Variants in APBA2 observed in about 807,000 individuals in gnomAD.
APBA2 encodes amyloid-beta A4 precursor protein-binding family A member 2.
In APBA2, 30 loss-of-function variants were observed where a neutral mutation model predicts 75.0. The observed-to-expected ratio is 0.40, with a 90% CI of 0.30 to 0.54. APBA2 has a LOEUF of 0.54. Among genes scored for constraint, APBA2 ranks in the 20% least tolerant of loss-of-function variants. The pLI is 0.49. For synonymous variants in APBA2, 444 were observed against 409.6 expected (o/e 1.08, Z -1.01); for missense variants, 801 against 1,016.1 (o/e 0.79, Z 2.88).
intron 2 of APBA2, among the ~76,000 whole-genome samples, chr15:28,966,607 T>C (rs1428078479): frequency 6.6e-6 from 1 of 152,190 alleles, no homozygotes; most frequent in Non-Finnish European, 1.5e-5. Context: ...AGGTAGCTTG[T>C]AGGTTATTTT....
intron 2 of APBA2, among the ~76,000 whole-genome samples, chr15:28,969,212 C>G (rs1418963328): frequency 7.3e-6 from 1 of 136,710 alleles, no homozygotes; most frequent in Non-Finnish European, 1.7e-5. Context: ...GAGACAGTCT[C>G]TCTCTGCCGG....
chr15:29,019,189 G>GTC lies in APBA2; in HGVS notation c.-41+23383_-41+23384insTC, dbSNP rs2039826558. Among the ~76,000 whole-genome samples, 6 of 152,318 alleles carry GTC rather than the reference G, an allele frequency of 3.9e-5. No homozygotes were observed. The South Asian group carries it at 1.2e-3, about 32-fold the overall frequency. ...GCTCTTGGAGTGAGGGCCCAGGAGG[G>GTC]GGTTGCCTGCCTATGCGTGTCTCTC... On this transcript the variant is annotated intron_variant, in intron 3 of 14. Coordinates refer to ENST00000683413, the MANE Select transcript of APBA2 (RefSeq NM_001353788.2).
intron 2 of APBA2, among the ~76,000 whole-genome samples, chr15:28,939,966 C>T (rs538597228): frequency 3.9e-5 from 6 of 152,178 alleles, no homozygotes; most frequent in Non-Finnish European, 8.8e-5. Context: ...CGTGGCTGTG[C>T]GCTCCATCTC....
At chr15:29,053,728 T>G in intron 3 of APBA2, 117 bp from the exon 4 acceptor site, 1 of 650,374 alleles carries the variant, frequency 1.5e-6, no homozygotes, top group Non-Finnish European at 2.7e-6. Flanking sequence ...TTTGAACAGA[T>G]GTGCCCTCAC....
chr15:29,015,131 A>G (rs2039594948), intron 3 of APBA2, among the ~76,000 whole-genome samples: 1 of 152,264 alleles, frequency 6.6e-6, no homozygotes, highest in Non-Finnish European at 1.5e-5. Context: ...TATGACTGCT[A>G]TGATTGTCAA....
At chr15:28,907,844 G>A (rs570258582) in intron 1 of APBA2, among the ~76,000 whole-genome samples, 2 of 152,350 alleles carry the variant, frequency 1.3e-5, no homozygotes, top group South Asian at 2.1e-4. Context: ...CCAGGGGAGT[G>A]GCTGCTGCTG....
At chr15:28,997,268 G>A (rs1005085443) in intron 3 of APBA2, among the ~76,000 whole-genome samples, 3 of 152,210 alleles carry the variant, frequency 2.0e-5, no homozygotes, top group Non-Finnish European at 4.4e-5. Context: ...CCATGAAACA[G>A]GGTGAAACGT....
At chr15:29,017,002 C>T (rs117280104) in intron 3 of APBA2, among the ~76,000 whole-genome samples, 42 of 152,030 alleles carry the variant, frequency 2.8e-4, no homozygotes, top group Admixed American at 1.0e-3. Flanking sequence ...AAGTTCAGTC[C>T]GTGAAAAGAC....
At chr15:29,048,846 G>A (rs902086715) in intron 3 of APBA2, among the ~76,000 whole-genome samples, 1 of 151,948 alleles carries the variant, frequency 6.6e-6, no homozygotes, top group Admixed American at 6.6e-5. Flanking sequence ...GGGAGGCTGA[G>A]GCAGGAGAAT....
chr15:28,981,219 G>C (rs901178506), intron 2 of APBA2, among the ~76,000 whole-genome samples: 3 of 152,130 alleles, frequency 2.0e-5, no homozygotes, highest in African/African-American at 7.2e-5. Context: ...AGAGTAAACA[G>C]ACAACCTACA....
At chr15:28,948,949 G>C (rs548781304) in intron 2 of APBA2, among the ~76,000 whole-genome samples, 2 of 151,990 alleles carry the variant, frequency 1.3e-5, no homozygotes, top group East Asian at 3.9e-4. Flanking sequence ...TGTAAAGCGG[G>C]GGGTGGGGCA....
chr15:28,940,967 T>A (rs191861919), intron 2 of APBA2, among the ~76,000 whole-genome samples: 70 of 152,334 alleles, frequency 4.6e-4, no homozygotes, highest in African/African-American at 1.6e-3. Context: ...GATGGACAAT[T>A]TGAACATCAG....
chr15:29,040,522 C>G (rs756437617), intron 3 of APBA2, among the ~76,000 whole-genome samples: 1 of 152,164 alleles, frequency 6.6e-6, no homozygotes, highest in African/African-American at 2.4e-5. Context: ...AACCGTGGCC[C>G]GGGTCCCAGA....
intron 3 of APBA2, among the ~76,000 whole-genome samples, chr15:29,001,784 G>GA (rs1477586932): frequency 6.6e-6 from 1 of 152,042 alleles, no homozygotes. Flanking sequence ...CTTTAGAAGA[G>GA]AAAAAAATTC....
intron 3 of APBA2, among the ~76,000 whole-genome samples, chr15:29,004,459 G>A (rs1483199388): frequency 1.3e-5 from 2 of 152,206 alleles, no homozygotes; most frequent in Non-Finnish European, 2.9e-5. Context: ...CCACATTGGT[G>A]TAGCACCGTG....
At chr15:29,058,303 G>C (rs2041990835) in intron 4 of APBA2, among the ~76,000 whole-genome samples, 1 of 152,064 alleles carries the variant, frequency 6.6e-6, no homozygotes, top group Non-Finnish European at 1.5e-5. Flanking sequence ...CTGAGGTCAG[G>C]AGTTCGAGAC....
At chr15:28,985,661 A>G (rs1275432608) in intron 2 of APBA2, among the ~76,000 whole-genome samples, 1 of 152,208 alleles carries the variant, frequency 6.6e-6, no homozygotes, top group African/African-American at 2.4e-5. Context: ...AGGATTTAAA[A>G]TAAGTGGTCT....
chr15:29,018,331 A>T (rs528515535), intron 3 of APBA2, among the ~76,000 whole-genome samples: 1 of 152,264 alleles, frequency 6.6e-6, no homozygotes, highest in Non-Finnish European at 1.5e-5. Flanking sequence ...TCTGCGTTTT[A>T]CTGTGCCGGG....
intron 2 of APBA2, among the ~76,000 whole-genome samples, chr15:28,942,900 C>A (rs190283450): frequency 6.6e-6 from 1 of 152,174 alleles, no homozygotes; most frequent in African/African-American, 2.4e-5. Flanking sequence ...CTGGAGCAGC[C>A]CCTGAGCGAC....
Sources: gnomAD v4.1 joint callset for allele counts (sites outside exome capture counted in the v4.1 genomes callset) on GRCh38, gnomAD v4.1.1 for gene constraint, MANE v1.5 for transcripts, NCBI Gene and HGNC (gene_info 2026-07-23, HGNC 2026-07-21) for gene names.